CCT5: variants seen among roughly 807,000 people sequenced by gnomAD.
The protein encoded by CCT5 is chaperonin containing TCP1 subunit 5.
A neutral mutation model predicts 55.0 loss-of-function variants in CCT5; 6 were observed. The observed-to-expected ratio is 0.11, with a 90% CI of 0.06 to 0.22. CCT5 has a LOEUF of 0.22. Ranked by LOEUF, CCT5 falls within the 10% of genes least tolerant of loss-of-function variation. The pLI is 1.00. For synonymous variants in CCT5, 231 were observed against 243.7 expected (o/e 0.95, Z 0.49); for missense variants, 560 against 694.6 (o/e 0.81, Z 2.18).
In CCT5 at chr5:10,258,270, G is replaced by C. The variant is rs1461174298; in HGVS notation, c.690G>C (p.Val230=). The C allele has an allele frequency of 6.2e-7, 1 of 1,614,202 alleles. No homozygotes were observed. The highest frequency in any genetic ancestry group is 2.2e-5 in the East Asian group (1 of 44,888). The change falls in exon 5 of 11, where the codon GTG becomes GTC. Residue 230 remains valine, a synonymous_variant. Transcript: ENST00000280326. ...CTAAACTGATTAAGGGCGTGATTGTGGACAAGGATTTCAGTCACCCACAGA... is the reference window on the plus strand; with the variant it reads ...CTAAACTGATTAAGGGCGTGATTGTCGACAAGGATTTCAGTCACCCACAGA... ...EDTKLIKGVI[V]DKDFSHPQMP...
In CCT5 at chr5:10,265,270, C is replaced by G. The variant is rs144767471; in HGVS notation, c.*487C>G. Reference sequence around the variant, plus strand: ...TTATGGGATGCCTTAAGTGCTGTTACTAGGTTGCTCACAGCCTAACCTGGC... The same window carrying G: ...TTATGGGATGCCTTAAGTGCTGTTAGTAGGTTGCTCACAGCCTAACCTGGC... On this transcript the variant is annotated 3_prime_UTR_variant, in exon 11 of 11. Coordinates refer to ENST00000280326, the MANE Select transcript of CCT5 (RefSeq NM_012073.5). 5.8e-6 allele frequency: 1 copy of G among 173,108 alleles called. No individual in the cohort carries two copies. The highest frequency in any genetic ancestry group is 1.3e-4 in the South Asian group (1 of 7,582). The allele number at this position is 173,108 out of a possible 1,614,324, so 10.7% of individuals were successfully genotyped here. A position where few individuals can be genotyped will look rare whatever the true frequency, so the allele number is the denominator to read the frequency against.
At chr5:10,250,582 C>T (rs1745334462) in intron 1 of CCT5, 137 bp downstream of exon 1, 9 of 1,491,754 alleles carry the variant, frequency 6.0e-6, no homozygotes, top group Non-Finnish European at 8.0e-6. Flanking sequence ...CCTGCGGTCT[C>T]CGGCCGCTCA....
chr5:10,262,094 CATTTT>C, intron 8 of CCT5: 1 of 393,308 alleles, frequency 2.5e-6, no homozygotes, highest in South Asian at 2.2e-5. Flanking sequence ...ACATAAGACT[CATTTT>C]AATTACAATA....
At chr5:10,261,195 C>T (rs533867971) in intron 7 of CCT5, 7 of 505,968 alleles carry the variant, frequency 1.4e-5, no homozygotes, top group Non-Finnish European at 2.5e-5. Flanking sequence ...CATCCAAATA[C>T]TAATGGCAGT....
Position 10,262,558 on chromosome 5 carries a change from G to A in CCT5, c.1257G>A (p.Val419=), listed in dbSNP as rs750114723. The change falls in exon 9 of 11, where the codon GTG becomes GTA. Residue 419 remains valine (V), a synonymous_variant. Coordinates refer to ENST00000280326, the MANE Select transcript of CCT5 (RefSeq NM_012073.5). ...IRNLIRDNRV[V]YGGGAAEISC... ...ACCTCATCCGCGATAATCGTGTGGTGTATGGAGGAGGGGCTGCTGAGATAT... is the reference window on the plus strand; with the variant it reads ...ACCTCATCCGCGATAATCGTGTGGTATATGGAGGAGGGGCTGCTGAGATAT... 6.2e-6 allele frequency: 10 copies of A among 1,614,124 alleles called. No individual in the cohort carries two copies. In the African/African-American group the frequency reaches 1.1e-4, roughly 17 times the overall value.
At chr5:10,262,333 G>A in intron 8 of CCT5, 148 bp from the exon 9 acceptor site, 1 of 884,032 alleles carries the variant, frequency 1.1e-6, no homozygotes, top group South Asian at 1.4e-5. Context: ...TTGCAGGAAG[G>A]AAAGCTAGAA....
At chr5:10,256,936 C>T (rs1458758990) in intron 4 of CCT5, among the ~76,000 whole-genome samples, 1 of 152,210 alleles carries the variant, frequency 6.6e-6, no homozygotes, top group Non-Finnish European at 1.5e-5. Flanking sequence ...CACTAAGACA[C>T]AGCTCTTCTC....
chr5:10,260,989 C>G (rs1171855309), intron 7 of CCT5, 78 bp downstream of exon 7: 37 of 1,422,924 alleles, frequency 2.6e-5, no homozygotes, highest in Non-Finnish European at 3.4e-5. Context: ...ATAGCCCTGC[C>G]TTAAATAACT....
At chr5:10,264,564 G>T (rs991311675) in intron 10 of CCT5, 92 bp from the exon 11 acceptor site, 1 of 883,948 alleles carries the variant, frequency 1.1e-6, no homozygotes, top group African/African-American at 1.6e-5. Flanking sequence ...TATTTCTTAA[G>T]TCTTACTGTG....
Position 10,256,108 on chromosome 5 carries a change from C to T in CCT5, c.485C>T (p.Thr162Ile). 1 of 1,613,914 alleles carries T rather than the reference C, an allele frequency of 6.2e-7. No individual in the cohort carries two copies. The highest frequency in any genetic ancestry group is 8.5e-7 in the Non-Finnish European group (1 of 1,179,864). ...SDSVLVDIKD[T>I]EPLIQTAKTT... is the part of the protein sequence containing the mutation. ...AGCGTCCTTGTTGACATAAAGGACA[C>T]CGAACCCCTGATTCAGACAGCAAAA... The change falls in exon 4 of 11, where the codon ACC becomes ATC. Residue 162 changes from threonine (T) to isoleucine (I), a missense_variant. Transcript: ENST00000280326.
At position 10,256,170 on chromosome 5, in the gene CCT5, G is replaced by A; in HGVS notation, c.530+17G>A. Reference sequence around the variant, plus strand: ...CTCCAAAGTGTACGTTTCAGTAGATGATATGATTACCCATTTGTAGAGGAG... The same window carrying A: ...CTCCAAAGTGTACGTTTCAGTAGATAATATGATTACCCATTTGTAGAGGAG... On this transcript the variant is annotated intron_variant, in intron 4 of 10. Transcript: ENST00000280326. The A allele has an allele frequency of 1.2e-6, 2 of 1,606,360 alleles. No individual in the cohort carries two copies. Among genetic ancestry groups the A allele is most frequent in the Non-Finnish European group, 1.7e-6 (2 of 1,176,092 alleles).
intron 2 of CCT5, 79 bp downstream of exon 2, chr5:10,254,284 G>A (rs1444519637): frequency 4.7e-6 from 5 of 1,060,542 alleles, no homozygotes; most frequent in Admixed American, 1.8e-5. Flanking sequence ...CTACAGAAAG[G>A]TGGAGTATTG....
chr5:10,262,301 C>T (rs1746005493), intron 8 of CCT5, 180 bp from the exon 9 acceptor site: 1 of 688,304 alleles, frequency 1.5e-6, no homozygotes. Flanking sequence ...CCGCCTCTGC[C>T]TCTTGAATTT....
Position 10,258,204 on chromosome 5 carries a change from T to C in CCT5, c.624T>C (p.Leu208=). 2 of 1,614,164 alleles carry C rather than the reference T, an allele frequency of 1.2e-6. No homozygotes were observed. Among genetic ancestry groups the C allele is most frequent in the Non-Finnish European group, 8.5e-7 (1 of 1,180,000 alleles). Reference sequence around the variant, plus strand: ...AGCGGAGAGACGTTGACTTTGAGCTTATCAAAGTAGAAGGCAAAGTGGGCG... The same window carrying C: ...AGCGGAGAGACGTTGACTTTGAGCTCATCAAAGTAGAAGGCAAAGTGGGCG... ...DMERRDVDFE[L]IKVEGKVGGR... is the part of the protein sequence containing the mutation. The change falls in exon 5 of 11, where the codon CTT becomes CTC. Residue 208 remains leucine, a synonymous_variant. Transcript: ENST00000280326.
intron 10 of CCT5, among the ~76,000 whole-genome samples, chr5:10,263,852 G>T (rs1182993586): frequency 6.6e-6 from 1 of 152,196 alleles, no homozygotes; most frequent in Admixed American, 6.5e-5. Flanking sequence ...CAGAATGACA[G>T]CTTTTGCTTA....
chr5:10,253,720 C>T (rs982331791), intron 1 of CCT5, among the ~76,000 whole-genome samples: 6 of 152,170 alleles, frequency 3.9e-5, no homozygotes, highest in Non-Finnish European at 7.3e-5. Context: ...TGGGTATCCT[C>T]GGGGGCTCCT....
chr5:10,250,252 C>G (rs752550292), upstream of CCT5: 1 of 1,596,924 alleles, frequency 6.3e-7, no homozygotes, highest in African/African-American at 1.3e-5. Flanking sequence ...CGTGCGCAAG[C>G]TTTTGGGCCC....
Position 10,254,778 on chromosome 5 carries a change from A to C in CCT5, c.271A>C (p.Met91Leu). 6.2e-7 allele frequency: 1 copy of C among 1,614,088 alleles called. No homozygotes were observed. Among genetic ancestry groups the C allele is most frequent in the South Asian group, 1.1e-5 (1 of 91,086 alleles). The part of the protein sequence containing the change: ...MDVDHQIAKL[M>L]VELSKSQDDE... ...TGTTGATCATCAGATTGCCAAGCTG[A>C]TGGTGGAACTGTCCAAGTCTCAGGA... Residue 91 changes from methionine to leucine, a missense_variant, in exon 3 of 11, where the codon ATG (methionine) becomes CTG (leucine). Transcript: ENST00000280326.
intron 10 of CCT5, among the ~76,000 whole-genome samples, chr5:10,263,881 G>T (rs1270263804): frequency 6.6e-6 from 1 of 152,220 alleles, no homozygotes; most frequent in East Asian, 1.9e-4. Context: ...GGTACATTCT[G>T]CTTTCCATGC....
Sources: allele counts gnomAD v4.1 joint callset (sites outside exome capture counted in the v4.1 genomes callset), GRCh38; gene constraint gnomAD v4.1.1; transcripts MANE v1.5; gene names NCBI Gene and HGNC (gene_info 2026-07-23, HGNC 2026-07-21).